The following CDYL variants were observed in gnomAD, a reference collection of about 807,000 sequenced individuals.
CDYL encodes chromodomain Y-like protein.
A neutral mutation model predicts 47.3 loss-of-function variants in CDYL; 8 were observed. The observed-to-expected ratio is 0.17, with a 90% confidence interval of 0.10 to 0.31. The LOEUF is 0.31. Ranked by LOEUF, CDYL falls within the 10% of genes least tolerant of loss-of-function variation. The pLI is 1.00. For synonymous variants in CDYL, 266 were observed against 265.0 expected (o/e 1.00, Z -0.04); for missense variants, 471 against 701.4 (o/e 0.67, Z 3.71).
At chr6:4,927,428 C>CAT (rs1554108575) in intron 2 of CDYL, among the ~76,000 whole-genome samples, 1 of 142,458 alleles carries the variant, frequency 7.0e-6, no homozygotes, top group Non-Finnish European at 1.5e-5. Context: ...ATTTACTGTA[C>CAT]GTGTGTGTGT....
chr6:4,722,857 A>G (rs979994958), intron 2 of CDYL, among the ~76,000 whole-genome samples: 1 of 152,240 alleles, frequency 6.6e-6, no homozygotes, highest in African/African-American at 2.4e-5. Context: ...AGCCTGGGTG[A>G]TAAGAGTGAG....
At chr6:4,940,750 C>T (rs924289048) in intron 4 of CDYL, among the ~76,000 whole-genome samples, 1 of 152,252 alleles carries the variant, frequency 6.6e-6, no homozygotes, top group Non-Finnish European at 1.5e-5. Flanking sequence ...TCTTCTTCCT[C>T]CCACAGAGGG....
intron 3 of CDYL, among the ~76,000 whole-genome samples, chr6:4,768,066 G>A (rs977525997): frequency 3.3e-5 from 5 of 152,152 alleles, no homozygotes; most frequent in African/African-American, 1.2e-4. Context: ...CCTTCCTGTT[G>A]TCTGCATTCT....
intron 3 of CDYL, among the ~76,000 whole-genome samples, chr6:4,771,099 G>T (rs1758331320): frequency 1.3e-5 from 2 of 151,948 alleles, no homozygotes; most frequent in Admixed American, 1.3e-4. Context: ...AGGTGAGAGG[G>T]TAAGAGAATT....
intron 1 of CDYL, among the ~76,000 whole-genome samples, chr6:4,847,608 A>G (rs1760701723): frequency 6.6e-6 from 1 of 152,208 alleles, no homozygotes; most frequent in Admixed American, 6.5e-5. Flanking sequence ...TCAGTGAATT[A>G]AAGTAGGATT....
At chr6:4,780,653 G>A (rs537814050) in intron 1 of CDYL, among the ~76,000 whole-genome samples, 1 of 152,192 alleles carries the variant, frequency 6.6e-6, no homozygotes, top group East Asian at 1.9e-4. Flanking sequence ...AAAATAGGAG[G>A]ATGATAACCA....
intron 1 of CDYL, among the ~76,000 whole-genome samples, chr6:4,852,661 C>A (rs1176066642): frequency 2.0e-5 from 3 of 151,590 alleles, no homozygotes; most frequent in African/African-American, 7.3e-5. Context: ...GGTGTAAAAT[C>A]ATTGATTATA....
intron 2 of CDYL, among the ~76,000 whole-genome samples, chr6:4,911,314 C>T (rs1001106084): frequency 2.0e-5 from 3 of 152,248 alleles, no homozygotes; most frequent in African/African-American, 7.2e-5. Flanking sequence ...ATTTGGCTTT[C>T]AGCTGTCTGG....
intron 1 of CDYL, among the ~76,000 whole-genome samples, chr6:4,831,575 T>G (rs1760145483): frequency 6.6e-6 from 1 of 152,054 alleles, no homozygotes. Context: ...CTTTTTTGGT[T>G]CCATATGAAC....
chr6:4,889,923 A>G (rs1761996009), intron 1 of CDYL: 2 of 975,150 alleles, frequency 2.1e-6, no homozygotes, highest in Admixed American at 6.2e-5. Context: ...AGGGAGGGAC[A>G]GGATCTGCCT....
chr6:4,892,150 A>G lies in CDYL; in HGVS notation c.462A>G (p.Ala154=). 1 of 1,614,210 alleles carries G rather than the reference A, an allele frequency of 6.2e-7. No individual in the cohort carries two copies. The highest frequency in any genetic ancestry group is 8.5e-7 in the Non-Finnish European group (1 of 1,180,042). The change falls in exon 2 of 7, where the codon GCA becomes GCG. Residue 154 remains alanine, a synonymous_variant. Transcript: ENST00000397588. Reference sequence around the variant, plus strand: ...AAAGCCCCGTTAAGAGCAGGACCGCAGTGGACGGCTTTCAGAGCGAGAGCC... The same window carrying G: ...AAAGCCCCGTTAAGAGCAGGACCGCGGTGGACGGCTTTCAGAGCGAGAGCC... ...VPKSPVKSRT[A]VDGFQSESPE...
Position 4,716,109 on chromosome 6 carries a change from C to T in CDYL, c.103+228C>T, listed in dbSNP as rs191262679. On this transcript the variant is annotated intron_variant, in intron 2 of 8. Transcript: ENST00000328908. ...TAAAAATACAAAAAAATTAGCCTGG[C>T]GTGGTGTGGGTGCCTGTAGTCCCAG... Among the ~76,000 whole-genome samples the T allele has an allele frequency of 2.2e-3, 331 of 151,888 alleles. 2 individuals are homozygous for T. The highest frequency in any genetic ancestry group is 7.2e-3 in the African/African-American group (300 of 41,402).
At chr6:4,932,058 G>T (rs182047682) in intron 2 of CDYL, among the ~76,000 whole-genome samples, 1 of 152,184 alleles carries the variant, frequency 6.6e-6, no homozygotes, top group African/African-American at 2.4e-5. Flanking sequence ...TGACCTTTAC[G>T]TAGAGAAAGG....
chr6:4,905,884 A>G (rs984754701), intron 2 of CDYL, among the ~76,000 whole-genome samples: 1 of 152,158 alleles, frequency 6.6e-6, no homozygotes, highest in Non-Finnish European at 1.5e-5. Context: ...CTTTTAGGGG[A>G]TCCCTCACCC....
chr6:4,833,969 C>A (rs1454655684), intron 1 of CDYL, among the ~76,000 whole-genome samples: 3 of 151,562 alleles, frequency 2.0e-5, no homozygotes, highest in Non-Finnish European at 4.4e-5. Flanking sequence ...ATGTGTGTCT[C>A]TGCATGTGAG....
intron 6 of CDYL, among the ~76,000 whole-genome samples, chr6:4,952,875 C>T (rs1304035772): frequency 6.6e-6 from 1 of 152,044 alleles, no homozygotes; most frequent in Non-Finnish European, 1.5e-5. Context: ...TCAAGTGATG[C>T]TTGTGCTTCA....
At chr6:4,822,453 A>C (rs765079251) in intron 1 of CDYL, among the ~76,000 whole-genome samples, 1 of 152,208 alleles carries the variant, frequency 6.6e-6, no homozygotes, top group African/African-American at 2.4e-5. Flanking sequence ...ATCTGTTAAT[A>C]GTTTTGGAAT....
At chr6:4,749,811 G>A (rs945332563) in intron 3 of CDYL, among the ~76,000 whole-genome samples, 4 of 152,216 alleles carry the variant, frequency 2.6e-5, no homozygotes, top group Admixed American at 2.0e-4. Context: ...TGTAAGTAGA[G>A]TGATATAACT....
intron 1 of CDYL, among the ~76,000 whole-genome samples, chr6:4,830,102 A>G (rs1230558634): frequency 6.6e-6 from 1 of 152,230 alleles, no homozygotes; most frequent in African/African-American, 2.4e-5. Context: ...CTGTCTGTAC[A>G]TCTGAATGGT....
Sources: gnomAD v4.1 joint callset for allele counts (sites outside exome capture counted in the v4.1 genomes callset) on GRCh38, gnomAD v4.1.1 for gene constraint, MANE v1.5 for transcripts, NCBI Gene and HGNC (gene_info 2026-07-23, HGNC 2026-07-21) for gene names.